Variants in PTPRK observed in about 807,000 individuals in gnomAD.
PTPRK encodes protein tyrosine phosphatase receptor type K, also known as receptor-type tyrosine-protein phosphatase kappa.
In PTPRK, 75 loss-of-function variants were observed where a neutral mutation model predicts 178.0. That is an observed-to-expected ratio of 0.42 (90% CI 0.35 to 0.51). PTPRK has a LOEUF of 0.51. Among genes scored for constraint, PTPRK ranks in the 20% least tolerant of loss-of-function variants. The pLI is 0.02. For synonymous variants in PTPRK, 637 were observed against 620.6 expected, an observed-to-expected ratio of 1.03 and a Z score of -0.39; for missense variants, 1,441 against 1,797.8, an observed-to-expected ratio of 0.80 and a Z score of 3.59.
At chr6:128,297,772 A>C (rs1398627830) in intron 3 of PTPRK, among the ~76,000 whole-genome samples, 4 of 152,218 alleles carry the variant, frequency 2.6e-5, no homozygotes, top group Non-Finnish European at 5.9e-5. Context: ...AAGAGAAAGC[A>C]GGAAAGATCC....
chr6:128,247,538 C>T (rs140525798), intron 3 of PTPRK, among the ~76,000 whole-genome samples: 2,059 of 152,156 alleles, frequency 0.014, 24 homozygotes, highest in Non-Finnish European at 0.022. Flanking sequence ...AGGCTGGTCT[C>T]GAACTCCTAG....
At chr6:128,267,495 T>C (rs1321061487) in intron 3 of PTPRK, among the ~76,000 whole-genome samples, 1 of 152,080 alleles carries the variant, frequency 6.6e-6, no homozygotes, top group Non-Finnish European at 1.5e-5. Flanking sequence ...GTGATTCCAC[T>C]GGGATTTTAT....
Position 128,446,047 on chromosome 6 carries a change from GA to G in PTPRK, c.101-48360del, listed in dbSNP as rs1221638764. 5.1e-3 allele frequency among the ~76,000 whole-genome samples: 716 copies of G among 141,226 alleles called. 4 individuals carry two copies. Among genetic ancestry groups the G allele is most frequent in the African/African-American group, 0.016 (634 of 38,806 alleles). The allele number at this position is 141,226 out of a possible 152,430, so 92.6% of individuals were successfully genotyped here. On this transcript the variant is annotated intron_variant, in intron 1 of 29. Transcript: ENST00000368226. ...TGCAGAATCAGATCCAAGAGAAAAA[GA>G]AAAAAAAAAAATCTACCATTCTCTA...
At chr6:128,181,127 C>CA (rs931932314) in intron 7 of PTPRK, among the ~76,000 whole-genome samples, 1 of 151,782 alleles carries the variant, frequency 6.6e-6, no homozygotes, top group Non-Finnish European at 1.5e-5. Context: ...TACTTGGCCA[C>CA]AAAAAAACCT....
chr6:128,469,184 T>C (rs1301194196), intron 1 of PTPRK, among the ~76,000 whole-genome samples: 4 of 152,206 alleles, frequency 2.6e-5, no homozygotes, highest in Non-Finnish European at 5.9e-5. Context: ...CTCCATTTAT[T>C]TTATCTAGCT....
At chr6:128,372,521 T>C (rs1037175282) in intron 2 of PTPRK, among the ~76,000 whole-genome samples, 1 of 152,178 alleles carries the variant, frequency 6.6e-6, no homozygotes, top group African/African-American at 2.4e-5. Flanking sequence ...ATTGTATACA[T>C]TGTTCATTTA....
intron 1 of PTPRK, among the ~76,000 whole-genome samples, chr6:128,484,471 G>A (rs1852533161): frequency 6.6e-6 from 1 of 152,050 alleles, no homozygotes; most frequent in African/African-American, 2.4e-5. Flanking sequence ...TCTACCTAGA[G>A]GCTTTAAACT....
intron 7 of PTPRK, among the ~76,000 whole-genome samples, chr6:128,132,167 T>C (rs1794344418): frequency 6.6e-6 from 1 of 152,214 alleles, no homozygotes. Context: ...CTGTGTGTTT[T>C]ATTTTTTAAT....
intron 3 of PTPRK, among the ~76,000 whole-genome samples, chr6:128,306,762 C>T (rs1411333548): frequency 1.3e-5 from 2 of 152,018 alleles, no homozygotes; most frequent in Non-Finnish European, 1.5e-5. Context: ...CACAGCACTG[C>T]ATTCCAGCCT....
chr6:128,410,305 G>A (rs547521863), intron 1 of PTPRK, among the ~76,000 whole-genome samples: 10 of 152,224 alleles, frequency 6.6e-5, no homozygotes, highest in East Asian at 1.9e-4. Context: ...TCCCTGCTGC[G>A]ATCAGCTCAA....
intron 1 of PTPRK, among the ~76,000 whole-genome samples, chr6:128,467,322 G>A (rs1212182515): frequency 1.3e-5 from 2 of 152,104 alleles, no homozygotes; most frequent in African/African-American, 2.4e-5. Context: ...TCTTGCTAAT[G>A]TTACTCAGTT....
At chr6:128,119,859 G>A (rs1050255483) in intron 7 of PTPRK, among the ~76,000 whole-genome samples, 5 of 152,002 alleles carry the variant, frequency 3.3e-5, no homozygotes, top group Non-Finnish European at 7.4e-5. Context: ...GATGTATTCA[G>A]CAATAGCTAT....
intron 7 of PTPRK, among the ~76,000 whole-genome samples, chr6:128,172,618 T>C (rs544848566): frequency 1.3e-3 from 191 of 151,790 alleles, no homozygotes; most frequent in Non-Finnish European, 1.9e-3. Flanking sequence ...TGTAGATATA[T>C]ATATATAGTG....
At chr6:128,005,302 C>T (rs1778290801) in intron 14 of PTPRK, 58 bp from the exon 15 acceptor site, 2 of 1,567,284 alleles carry the variant, frequency 1.3e-6, no homozygotes, top group Middle Eastern at 1.7e-4. Context: ...GGAGAGTTAA[C>T]ACCAGCAATA....
In PTPRK at chr6:128,215,301, T is replaced by C. The variant is rs557219453; in HGVS notation, c.868+3621A>G. On this transcript the variant is annotated intron_variant, in intron 6 of 29. Transcript: ENST00000368226. ...GAGGAGATCACAGCTGAGGTGAGGA[T>C]TGGCAAAATAATCTGTAGCATAATT... is the stretch of plus-strand genomic sequence containing the variant. 2.0e-3 allele frequency among the ~76,000 whole-genome samples: 306 copies of C among 152,276 alleles called. 4 individuals carry two copies. The highest frequency in any genetic ancestry group is 3.4e-3 in the Middle Eastern group (1 of 294).
At chr6:128,416,519 C>T (rs1031255595) in intron 1 of PTPRK, among the ~76,000 whole-genome samples, 4 of 151,294 alleles carry the variant, frequency 2.6e-5, no homozygotes, top group Non-Finnish European at 4.4e-5. Context: ...TGGTGGCTGG[C>T]GCCTGTAGTC....
intron 7 of PTPRK, among the ~76,000 whole-genome samples, chr6:128,093,785 C>T (rs1251048298): frequency 1.3e-5 from 2 of 151,672 alleles, no homozygotes; most frequent in Non-Finnish European, 2.9e-5. Flanking sequence ...ATACAGTGTA[C>T]TATCCTAAGT....
chr6:128,302,391 CAAAA>C (rs534525238), intron 3 of PTPRK, among the ~76,000 whole-genome samples: 16 of 30,946 alleles, frequency 5.2e-4, no homozygotes, highest in Non-Finnish European at 1.0e-3. Context: ...GACTCAATTC[CAAAA>C]AAAAAAAAAA....
intron 3 of PTPRK, among the ~76,000 whole-genome samples, chr6:128,257,577 A>G (rs1562882042): frequency 6.6e-6 from 1 of 152,200 alleles, no homozygotes; most frequent in Non-Finnish European, 1.5e-5. Flanking sequence ...CTATATTAAC[A>G]TACATATTTA....
Sources: allele counts gnomAD v4.1 joint callset (sites outside exome capture counted in the v4.1 genomes callset), GRCh38; gene constraint gnomAD v4.1.1; transcripts MANE v1.5; gene names NCBI Gene and HGNC (gene_info 2026-07-23, HGNC 2026-07-21).